The following ZC3H6 variants were observed in gnomAD, a reference collection of about 807,000 sequenced individuals.
ZC3H6 encodes the protein zinc finger CCCH domain-containing protein 6.
A neutral mutation model predicts 107.7 loss-of-function variants in ZC3H6; 40 were observed. The observed-to-expected ratio is 0.37, with a 90% CI of 0.29 to 0.48. The LOEUF is 0.48. Among genes scored for constraint, ZC3H6 ranks in the 20% least tolerant of loss-of-function variants. The pLI, the probability that ZC3H6 is intolerant of heterozygous loss-of-function variation, is 0.98. For synonymous variants in ZC3H6, 493 were observed against 487.9 expected (o/e 1.01, Z -0.14); for missense variants, 1,267 against 1,410.4 (o/e 0.90, Z 1.63).
chr2:112,332,222 A>G lies in ZC3H6; in HGVS notation c.3304A>G (p.Asn1102Asp), dbSNP rs116425299. Residue 1102 changes from asparagine to aspartate, a missense_variant, in exon 12 of 12, where the codon AAC becomes GAC. Asn to Asp is a conservative substitution (Grantham distance 23). Coordinates refer to ENST00000409871, the MANE Select transcript of ZC3H6 (RefSeq NM_198581.3). ...EAILPQKPSPNVGVTLEGPAD... is the reference protein window; with the variant it reads ...EAILPQKPSPDVGVTLEGPAD... Reference sequence around the variant, plus strand: ...CATCCTTCCACAAAAACCCAGTCCAAACGTGGGAGTCACTCTTGAGGGGCC... The same window carrying G: ...CATCCTTCCACAAAAACCCAGTCCAGACGTGGGAGTCACTCTTGAGGGGCC... 5 of 1,613,834 alleles carry G rather than the reference A, an allele frequency of 3.1e-6. No homozygotes were observed. In the African/African-American group the frequency reaches 5.3e-5, roughly 17 times the overall value.
At chr2:112,293,614 C>T (rs1018407868) in intron 1 of ZC3H6, among the ~76,000 whole-genome samples, 6 of 152,148 alleles carry the variant, frequency 3.9e-5, no homozygotes, top group Non-Finnish European at 8.8e-5. Flanking sequence ...TCTTCCATGG[C>T]CCCAGTGTGA....
At chr2:112,292,527 G>T (rs1465219266) in intron 1 of ZC3H6, among the ~76,000 whole-genome samples, 1 of 152,210 alleles carries the variant, frequency 6.6e-6, no homozygotes, top group Non-Finnish European at 1.5e-5. Context: ...GATGACCAAA[G>T]ATTTCCTTAT....
Position 112,324,194 on chromosome 2 carries a change from A to G in ZC3H6, c.1383A>G (p.Gln461=), listed in dbSNP as rs764257031. The change falls in exon 10 of 12, where the codon CAA becomes CAG. Residue 461 remains glutamine, a synonymous_variant. Transcript: ENST00000409871. ...FYTSASPPGP[Q]FQGSSPHPQH... ...CCAGTGCCTCACCACCAGGACCACA[A>G]TTTCAGGGAAGCAGTCCACACCCTC... 31 of 1,592,422 alleles carry G rather than the reference A, an allele frequency of 1.9e-5. No homozygotes were observed. Among genetic ancestry groups the G allele is most frequent in the Non-Finnish European group, 2.6e-5 (30 of 1,162,274 alleles).
At chr2:112,293,455 A>G (rs925897422) in intron 1 of ZC3H6, among the ~76,000 whole-genome samples, 7 of 152,256 alleles carry the variant, frequency 4.6e-5, no homozygotes. Context: ...ATTGATACTC[A>G]TCAGATTTTA....
Position 112,275,826 on chromosome 2 carries a change from A to G in ZC3H6, c.-169A>G. The stretch of plus-strand genomic sequence containing the variant: ...TGGCGTGGTTGTTAATAGACTGGAA[A>G]GTCTGTGTCTGTGTCGCTCACTAGT... On this transcript the variant is annotated 5_prime_UTR_variant, in exon 1 of 12. Transcript: ENST00000409871. 1 of 523,556 alleles carries G rather than the reference A, an allele frequency of 1.9e-6. No homozygotes were observed. Among genetic ancestry groups the G allele is most frequent in the Non-Finnish European group, 3.4e-6 (1 of 291,326 alleles). The allele number at this position is 523,556 out of a possible 1,614,324, so 32.4% of individuals were successfully genotyped here.
At chr2:112,317,880 A>G (rs1014864495) in intron 7 of ZC3H6, among the ~76,000 whole-genome samples, 1 of 152,122 alleles carries the variant, frequency 6.6e-6, no homozygotes, top group Admixed American at 6.5e-5. Flanking sequence ...TTTTCCCCCA[A>G]ATATCTGTCA....
chr2:112,303,216 C>T lies in ZC3H6; in HGVS notation c.214-13C>T, dbSNP rs766135357. 9 of 1,592,746 alleles carry T rather than the reference C, an allele frequency of 5.7e-6. No individual in the cohort carries two copies. The highest frequency in any genetic ancestry group is 7.7e-6 in the Non-Finnish European group (9 of 1,172,664). ...TTGCAAATGTAACATATTTGTCTTT[C>T]CCCTCCCTTCAGCATAATTCCCCAT... is the stretch of plus-strand genomic sequence containing the variant. On this transcript the variant is annotated splice_polypyrimidine_tract_variant and intron_variant, in intron 2 of 11. Coordinates refer to ENST00000409871, the MANE Select transcript of ZC3H6 (RefSeq NM_198581.3).
At position 112,337,301 on chromosome 2, in the gene ZC3H6, TC is replaced by T. The variant is rs1333315050; in HGVS notation, c.*4814del. 1 of 151,806 alleles carries T rather than the reference TC, an allele frequency of 6.6e-6. No homozygotes were observed. Among genetic ancestry groups the T allele is most frequent in the Non-Finnish European group, 1.5e-5 (1 of 67,940 alleles). The allele number at this position is 151,806 out of a possible 1,614,324, so 9.4% of individuals were successfully genotyped here. On this transcript the variant is annotated 3_prime_UTR_variant, in exon 12 of 12. Coordinates refer to ENST00000409871, the MANE Select transcript of ZC3H6 (RefSeq NM_198581.3). ...ACCAGAAAAGTAACTGCATAGCCAT[TC>T]TTTTTTTTTTTTTTTAATTTGTTGT... is the stretch of plus-strand genomic sequence containing the variant.
At chr2:112,299,768 A>T (rs994636608) in intron 1 of ZC3H6, 81 bp from the exon 2 acceptor site, 8 of 1,113,564 alleles carry the variant, frequency 7.2e-6, no homozygotes, top group Non-Finnish European at 8.3e-6. Flanking sequence ...AATCCTTGGC[A>T]TATGCTTTTT....
Position 112,309,923 on chromosome 2 carries a change from G to A in ZC3H6, c.375G>A (p.Lys125=), listed in dbSNP as rs1676562897. 1 of 1,594,464 alleles carries A rather than the reference G, an allele frequency of 6.3e-7. No homozygotes were observed. The highest frequency in any genetic ancestry group is 1.7e-4 in the Middle Eastern group (1 of 6,052). The change falls in exon 4 of 12, where the codon AAG becomes AAA. Residue 125 remains lysine, a synonymous_variant. Transcript: ENST00000409871. ...HISGSYITSK[K]GQHNKKFKSK... ...CAGGAAGCTACATAACATCAAAGAA[G>A]GGTCAACATAACAAAAAATTTAAAA...
At chr2:112,289,779 C>T (rs796541656) in intron 1 of ZC3H6, among the ~76,000 whole-genome samples, 3 of 152,084 alleles carry the variant, frequency 2.0e-5, no homozygotes, top group South Asian at 2.1e-4. Flanking sequence ...GGGTCTCTGT[C>T]ACCCAGGCTG....
intron 3 of ZC3H6, among the ~76,000 whole-genome samples, chr2:112,309,676 TAAC>T (rs1413462723): frequency 6.6e-6 from 1 of 152,186 alleles, no homozygotes; most frequent in Non-Finnish European, 1.5e-5. Context: ...AGCATAAAGA[TAAC>T]AATATTTAAT....
intron 11 of ZC3H6, among the ~76,000 whole-genome samples, chr2:112,328,730 A>G (rs1038954694): frequency 2.0e-5 from 3 of 152,044 alleles, no homozygotes; most frequent in African/African-American, 7.2e-5. Context: ...CACGAGGTCA[A>G]GAGATCGAGA....
In ZC3H6 at chr2:112,331,151, C is replaced by T. The variant is rs1330876300; in HGVS notation, c.2233C>T (p.Leu745Phe). ...ACTCAGCACTCCTACTGATCCAAGA[C>T]TTGCTAAAGAGAAAAGTAAAGGAAA... ...TELSTPTDPR[L>F]AKEKSKGNQV... The change falls in exon 12 of 12, where the codon CTT (leucine) becomes TTT (phenylalanine). Residue 745 changes from leucine (L) to phenylalanine (F), a missense_variant. By Grantham distance (22) the Leu-to-Phe change is conservative. This residue lies in a region of ZC3H6 where 925 missense variants were observed against 1,025.7 expected (regional missense o/e 0.90). Coordinates refer to ENST00000409871, the MANE Select transcript of ZC3H6 (RefSeq NM_198581.3). 2 of 1,613,720 alleles carry T rather than the reference C, an allele frequency of 1.2e-6. No homozygotes were observed. Among genetic ancestry groups the T allele is most frequent in the African/African-American group, 1.3e-5 (1 of 75,016 alleles).
chr2:112,307,655 G>A (rs1676500921), intron 3 of ZC3H6, among the ~76,000 whole-genome samples: 1 of 152,042 alleles, frequency 6.6e-6, no homozygotes, highest in African/African-American at 2.4e-5. Context: ...CATGCTTCCT[G>A]GAAAACTCAT....
At chr2:112,290,498 A>G (rs1490797554) in intron 1 of ZC3H6, among the ~76,000 whole-genome samples, 1 of 152,214 alleles carries the variant, frequency 6.6e-6, no homozygotes, top group Non-Finnish European at 1.5e-5. Context: ...TGGTTATTTT[A>G]TGTTTATTTG....
intron 2 of ZC3H6, 117 bp downstream of exon 2, chr2:112,300,146 T>C (rs1676340936): frequency 1.5e-6 from 1 of 656,082 alleles, no homozygotes. Context: ...GATATTTTCA[T>C]TTATGTGATT....
At chr2:112,294,173 T>G (rs1676174149) in intron 1 of ZC3H6, among the ~76,000 whole-genome samples, 2 of 152,220 alleles carry the variant, frequency 1.3e-5, no homozygotes, top group African/African-American at 2.4e-5. Context: ...TGCCAAAGCT[T>G]AGGTCAGCCT....
chr2:112,288,985 A>G (rs1172682877), intron 1 of ZC3H6, among the ~76,000 whole-genome samples: 4 of 141,162 alleles, frequency 2.8e-5, no homozygotes, highest in Non-Finnish European at 6.1e-5. Context: ...TCCTCTTCTC[A>G]CTGCCCACCC....
Sources: gnomAD v4.1 joint callset for allele counts (sites outside exome capture counted in the v4.1 genomes callset) on GRCh38, gnomAD v4.1.1 for gene constraint, gnomAD v4.1.1 regional missense constraint, MANE v1.5 for transcripts, NCBI Gene and HGNC (gene_info 2026-07-23, HGNC 2026-07-21) for gene names.